The following ALG5 variants were observed in gnomAD, a reference collection of about 807,000 sequenced individuals.
ALG5 encodes dolichyl-phosphate beta-glucosyltransferase.
Under a neutral mutation model 51.8 loss-of-function variants are expected in ALG5, and 26 were observed. That is an observed-to-expected ratio of 0.50 (90% CI 0.37 to 0.70). The LOEUF (loss-of-function observed/expected upper bound fraction) is 0.70. Among genes scored for constraint, ALG5 ranks in the 30% least tolerant of loss-of-function variants. ALG5 has a pLI of 0.00. For synonymous variants in ALG5, 141 were observed against 136.1 expected, an observed-to-expected ratio of 1.04 and a Z score of -0.25; for missense variants, 311 against 399.3, an observed-to-expected ratio of 0.78 and a Z score of 1.88.
intron 7 of ALG5, among the ~76,000 whole-genome samples, chr13:36,971,734 G>T (rs971114769): frequency 8.1e-6 from 1 of 123,494 alleles, no homozygotes; most frequent in African/African-American, 3.1e-5. Context: ...ATATTAAAAA[G>T]AACTGCTTCC....
chr13:36,994,522 T>C (rs1415711871), intron 3 of ALG5, among the ~76,000 whole-genome samples: 1 of 152,058 alleles, frequency 6.6e-6, no homozygotes, highest in Non-Finnish European at 1.5e-5. Context: ...TTTAAAAATA[T>C]CTTTTTTCTG....
At chr13:36,952,662 C>T (rs1174958991) in intron 8 of ALG5, 63 bp from the exon 9 acceptor site, 3 of 976,178 alleles carry the variant, frequency 3.1e-6, no homozygotes, top group African/African-American at 1.7e-5. Flanking sequence ...TACATCTCTA[C>T]CTTGGCATGT....
At chr13:36,958,617 C>A (rs1159229378) in intron 8 of ALG5, among the ~76,000 whole-genome samples, 1 of 152,066 alleles carries the variant, frequency 6.6e-6, no homozygotes, top group Non-Finnish European at 1.5e-5. Context: ...GTGGTCTCCC[C>A]AGCAGCACTT....
chr13:36,972,124 AAC>A, intron 6 of ALG5, 88 bp from the exon 7 acceptor site: 1 of 1,086,074 alleles, frequency 9.2e-7, no homozygotes. Context: ...CATTTTTAGA[AAC>A]TGATTTTAAA....
intron 5 of ALG5, 34 bp downstream of exon 5, chr13:36,989,450 T>C: frequency 1.3e-6 from 2 of 1,513,504 alleles, no homozygotes; most frequent in East Asian, 2.3e-5. Flanking sequence ...GATACCTTCA[T>C]ATTTTAGATA....
chr13:36,985,119 T>C (rs1343369438), intron 6 of ALG5, among the ~76,000 whole-genome samples: 1 of 151,766 alleles, frequency 6.6e-6, no homozygotes, highest in Non-Finnish European at 1.5e-5. Context: ...GCCAAATTCA[T>C]CTTATTTCTC....
chr13:36,962,042 C>T (rs1008267396), intron 8 of ALG5, among the ~76,000 whole-genome samples: 1 of 152,188 alleles, frequency 6.6e-6, no homozygotes, highest in Admixed American at 6.5e-5. Flanking sequence ...CCCGCTTCGG[C>T]CTCCCAAAGT....
Position 36,977,611 on chromosome 13 carries a change from G to A in ALG5, c.562-5575C>T, listed in dbSNP as rs769146721. Among the ~76,000 whole-genome samples the A allele has an allele frequency of 4.1e-4, 63 of 151,862 alleles. 1 individual carries two copies. The highest frequency in any genetic ancestry group is 1.5e-3 in the South Asian group (7 of 4,792). ...GTTCAAGACCAGCCTGGCCAACATG[G>A]TGAAACCCCGTCTCTACTAAAAATA... On this transcript the variant is annotated intron_variant, in intron 6 of 9. Coordinates refer to ENST00000239891, the MANE Select transcript of ALG5 (RefSeq NM_013338.5).
At chr13:36,997,842 G>A (rs1193565724) in intron 1 of ALG5, among the ~76,000 whole-genome samples, 1 of 152,176 alleles carries the variant, frequency 6.6e-6, no homozygotes, top group Non-Finnish European at 1.5e-5. Flanking sequence ...AAGACAGGAT[G>A]AGGTTTTGAA....
At chr13:36,970,334 C>A (rs1398944981) in intron 7 of ALG5, among the ~76,000 whole-genome samples, 2 of 152,086 alleles carry the variant, frequency 1.3e-5, no homozygotes, top group Non-Finnish European at 2.9e-5. Context: ...AGAGAAGAGG[C>A]CAGGCGTGGT....
chr13:36,956,864 G>A (rs2058842191), intron 8 of ALG5, among the ~76,000 whole-genome samples: 1 of 151,956 alleles, frequency 6.6e-6, no homozygotes, highest in Non-Finnish European at 1.5e-5. Context: ...AGCCAAAAGA[G>A]CTACAAGGCG....
chr13:36,964,301 G>A lies in ALG5; in HGVS notation c.773+1274C>T, dbSNP rs74480819. Among the ~76,000 whole-genome samples the A allele has an allele frequency of 4.3e-4, 66 of 152,282 alleles. 1 individual carries two copies. Among genetic ancestry groups the A allele is most frequent in the African/African-American group, 1.5e-3 (63 of 41,572 alleles). On this transcript the variant is annotated intron_variant, in intron 8 of 9. Coordinates refer to ENST00000239891, the MANE Select transcript of ALG5 (RefSeq NM_013338.5). ...CCATGAAGGAATATAAGCAGAAGAG[G>A]TGCATATGATTGATCACACTTAAGT...
intron 1 of ALG5, chr13:36,998,687 GTCTC>G (rs1473910264): frequency 2.6e-5 from 4 of 152,396 alleles, no homozygotes; most frequent in African/African-American, 7.2e-5. Context: ...CCTGAGGCCT[GTCTC>G]TCTCGCTCAC....
chr13:36,954,043 T>C (rs927614934), intron 8 of ALG5, among the ~76,000 whole-genome samples: 2 of 143,794 alleles, frequency 1.4e-5, no homozygotes, highest in African/African-American at 5.2e-5. Context: ...GTGGGGTGGT[T>C]AACTGAAATC....
intron 6 of ALG5, among the ~76,000 whole-genome samples, chr13:36,976,521 G>C (rs2138807543): frequency 6.6e-6 from 1 of 151,978 alleles, no homozygotes; most frequent in East Asian, 1.9e-4. Flanking sequence ...GCCAAGGCAG[G>C]CAGATCTCCT....
chr13:36,953,583 A>G (rs138349763), intron 8 of ALG5, among the ~76,000 whole-genome samples: 3 of 152,328 alleles, frequency 2.0e-5, no homozygotes, highest in South Asian at 2.1e-4. Flanking sequence ...GGCTGCACAG[A>G]GCACAGTTCA....
chr13:36,997,304 C>T (rs2059055259), intron 1 of ALG5, among the ~76,000 whole-genome samples: 1 of 151,800 alleles, frequency 6.6e-6, no homozygotes, highest in Non-Finnish European at 1.5e-5. Context: ...GAAACCCCAT[C>T]TCTATTAAAA....
At chr13:36,991,803 A>AG (rs1467164833) in intron 4 of ALG5, among the ~76,000 whole-genome samples, 1 of 152,140 alleles carries the variant, frequency 6.6e-6, no homozygotes, top group Non-Finnish European at 1.5e-5. Context: ...TCTGCTACCC[A>AG]GGCTGGAGTT....
chr13:36,953,411 G>A (rs1179504620), intron 8 of ALG5, among the ~76,000 whole-genome samples: 1 of 152,102 alleles, frequency 6.6e-6, no homozygotes, highest in Non-Finnish European at 1.5e-5. Flanking sequence ...AGTTTTCCTG[G>A]ATTCTGCTTA....
Sources: allele counts gnomAD v4.1 joint callset (sites outside exome capture counted in the v4.1 genomes callset), GRCh38; gene constraint gnomAD v4.1.1; transcripts MANE v1.5; gene names NCBI Gene and HGNC (gene_info 2026-07-23, HGNC 2026-07-21).